The following SGCZ variants were observed in gnomAD, a reference collection of about 807,000 sequenced individuals.
SGCZ encodes sarcoglycan zeta.
In SGCZ, 40 loss-of-function variants were observed where a neutral mutation model predicts 41.3. The observed-to-expected ratio is 0.97, with a 90% CI of 0.75 to 1.26. SGCZ has a LOEUF of 1.26. Ranked by LOEUF, SGCZ falls within the 50% of genes most tolerant of loss-of-function variation. The pLI is 0.00. For missense variants in SGCZ, 552 were observed against 369.8 expected (o/e 1.49, Z -4.04); for synonymous variants, 206 against 137.5 (o/e 1.50, Z -3.49).
chr8:14,625,812 T>C (rs1447384466), intron 1 of SGCZ, among the ~76,000 whole-genome samples: 1 of 152,184 alleles, frequency 6.6e-6, no homozygotes, highest in Non-Finnish European at 1.5e-5. Flanking sequence ...GTGACACAGA[T>C]ATATTACAAC....
At chr8:14,516,687 T>C (rs894458139) in intron 2 of SGCZ, among the ~76,000 whole-genome samples, 1 of 152,076 alleles carries the variant, frequency 6.6e-6, no homozygotes, top group African/African-American at 2.4e-5. Flanking sequence ...CTGTTTTTCA[T>C]ATGAAGTGAG....
At chr8:15,043,453 T>C (rs1283912357) in intron 1 of SGCZ, among the ~76,000 whole-genome samples, 1 of 151,952 alleles carries the variant, frequency 6.6e-6, no homozygotes, top group Non-Finnish European at 1.5e-5. Flanking sequence ...CATAATAGAG[T>C]GGGTTGTTTT....
At chr8:14,832,007 G>A (rs9650381) in intron 1 of SGCZ, among the ~76,000 whole-genome samples, 32,830 of 152,044 alleles carry the variant, frequency 0.22, 4,376 homozygotes, top group Middle Eastern at 0.29. Context: ...TAGATAAATA[G>A]TAATTGGTAG....
At chr8:14,165,214 C>G (rs1804171770) in intron 4 of SGCZ, 1 of 152,200 alleles carries the variant, frequency 6.6e-6, no homozygotes, top group Non-Finnish European at 1.5e-5. Context: ...GTTTTCTACC[C>G]TTTAATATAA....
chr8:15,186,303 T>C (rs1006887073), intron 1 of SGCZ, among the ~76,000 whole-genome samples: 4 of 102,366 alleles, frequency 3.9e-5, no homozygotes, highest in African/African-American at 1.3e-4. Context: ...AAAAAAAAGT[T>C]AATTTCTCTC....
chr8:14,257,783 T>C (rs1585288985), intron 3 of SGCZ, among the ~76,000 whole-genome samples: 1 of 152,148 alleles, frequency 6.6e-6, no homozygotes, highest in Non-Finnish European at 1.5e-5. Context: ...CAGCATTTTA[T>C]ATTGTTTTCC....
intron 1 of SGCZ, among the ~76,000 whole-genome samples, chr8:14,883,710 C>A (rs1435793150): frequency 6.6e-6 from 1 of 150,554 alleles, no homozygotes. Flanking sequence ...CTAAGCAAGA[C>A]TATGACTTTG....
chr8:14,856,235 T>C (rs991948656), intron 1 of SGCZ, among the ~76,000 whole-genome samples: 9 of 152,164 alleles, frequency 5.9e-5, no homozygotes, highest in African/African-American at 7.2e-5. Context: ...TGAAAATAAA[T>C]AGAAGAATCT....
At chr8:14,156,584 C>G (rs756143849) in intron 5 of SGCZ, among the ~76,000 whole-genome samples, 1 of 152,180 alleles carries the variant, frequency 6.6e-6, no homozygotes, top group Non-Finnish European at 1.5e-5. Flanking sequence ...TTTGCAAACA[C>G]TTGGTTTAAA....
chr8:14,910,948 A>G (rs1799264063), intron 1 of SGCZ, among the ~76,000 whole-genome samples: 1 of 152,162 alleles, frequency 6.6e-6, no homozygotes, highest in African/African-American at 2.4e-5. Context: ...TCTACAATCT[A>G]TTCCCCAGAA....
chr8:14,623,234 T>G (rs1188722692), intron 1 of SGCZ, among the ~76,000 whole-genome samples: 1 of 152,108 alleles, frequency 6.6e-6, no homozygotes, highest in East Asian at 1.9e-4. Flanking sequence ...AGTTAGAAAT[T>G]CAAATCAAGC....
At chr8:15,182,488 C>A (rs1800206954) in intron 1 of SGCZ, among the ~76,000 whole-genome samples, 1 of 152,168 alleles carries the variant, frequency 6.6e-6, no homozygotes, top group Non-Finnish European at 1.5e-5. Context: ...TGTTACTACA[C>A]TGAATACCAG....
At chr8:14,255,890 A>G (rs372906297) in intron 3 of SGCZ, among the ~76,000 whole-genome samples, 10 of 152,118 alleles carry the variant, frequency 6.6e-5, no homozygotes, top group East Asian at 3.8e-4. Context: ...ATTATATTTG[A>G]CAATAGCCCA....
chr8:14,482,986 T>C (rs1282708075), intron 2 of SGCZ, among the ~76,000 whole-genome samples: 2 of 151,952 alleles, frequency 1.3e-5, no homozygotes, highest in African/African-American at 4.8e-5. Flanking sequence ...CCATATATCT[T>C]TATACACACA....
intron 1 of SGCZ, among the ~76,000 whole-genome samples, chr8:14,810,653 C>T (rs970492423): frequency 2.0e-5 from 3 of 151,998 alleles, no homozygotes; most frequent in African/African-American, 4.8e-5. Context: ...TGGCTACAAT[C>T]AGCAAGAGAG....
At chr8:14,860,626 A>G (rs189116033) in intron 1 of SGCZ, among the ~76,000 whole-genome samples, 1 of 151,822 alleles carries the variant, frequency 6.6e-6, no homozygotes, top group East Asian at 1.9e-4. Flanking sequence ...ACAGAGAAAA[A>G]GACAAAGAGA....
rs78348939 is a variant in SGCZ at position 14,622,464 on chromosome 8, T to A, written c.40-67538A>T. Among the ~76,000 whole-genome samples, 805 of 152,292 alleles carry A rather than the reference T, an allele frequency of 5.3e-3. 8 individuals carry two copies. The highest frequency in any genetic ancestry group is 0.018 in the African/African-American group (760 of 41,576). ...TCTCTAGCTGAGAGTGTTACCAGCA[T>A]CCAGAGAAGCCCAATTAATTAGACT... On this transcript the variant is annotated intron_variant, in intron 1 of 7. Transcript: ENST00000382080.
At chr8:14,242,906 C>G (rs1798942641) in intron 3 of SGCZ, among the ~76,000 whole-genome samples, 1 of 152,146 alleles carries the variant, frequency 6.6e-6, no homozygotes, top group African/African-American at 2.4e-5. Context: ...ACAAAACATA[C>G]TTTAAAATTT....
At chr8:14,712,098 G>A (rs994110745) in intron 1 of SGCZ, among the ~76,000 whole-genome samples, 3 of 152,108 alleles carry the variant, frequency 2.0e-5, no homozygotes, top group African/African-American at 7.2e-5. Flanking sequence ...GCGAATCCTC[G>A]TCTCTACTAA....
Sources: allele counts gnomAD v4.1 joint callset (sites outside exome capture counted in the v4.1 genomes callset), GRCh38; gene constraint gnomAD v4.1.1; transcripts MANE v1.5; gene names NCBI Gene and HGNC (gene_info 2026-07-23, HGNC 2026-07-21).